DLEU7: variants seen among roughly 807,000 people sequenced by gnomAD.
DLEU7 encodes the protein deleted in lymphocytic leukemia 7.
DLEU7 carries 17 observed loss-of-function variants against 16.0 expected under a neutral mutation model. The observed-to-expected ratio is 1.06, with a 90% CI of 0.73 to 1.59. The LOEUF (loss-of-function observed/expected upper bound fraction) is 1.59, where lower values mean the gene tolerates loss of function less well. Among genes scored for constraint, DLEU7 ranks in the 40% most tolerant of loss-of-function variants. The pLI is 0.00. For synonymous variants in DLEU7, 113 were observed against 139.8 expected (o/e 0.81, Z 1.35); for missense variants, 308 against 314.9 (o/e 0.98, Z 0.17).
chr13:50,813,627 A>T (rs1451039372), intron 1 of DLEU7, among the ~76,000 whole-genome samples: 1 of 152,122 alleles, frequency 6.6e-6, no homozygotes, highest in Non-Finnish European at 1.5e-5. Flanking sequence ...AAGGAGACTG[A>T]GCTTCCGTAT....
intron 1 of DLEU7, among the ~76,000 whole-genome samples, chr13:50,723,487 G>A (rs745493269): frequency 2.0e-5 from 3 of 151,832 alleles, no homozygotes; most frequent in Admixed American, 6.6e-5. Context: ...TACCATAGGC[G>A]GGGTGGCTTA....
At chr13:50,772,506 A>G (rs1875349142) in intron 1 of DLEU7, among the ~76,000 whole-genome samples, 1 of 152,144 alleles carries the variant, frequency 6.6e-6, no homozygotes, top group Admixed American at 6.5e-5. Flanking sequence ...AAAGGATTTT[A>G]TTTCTCCTTC....
At chr13:50,821,851 A>G (rs951729995), downstream of DLEU7, among the ~76,000 whole-genome samples, 8 of 152,298 alleles carry the variant, frequency 5.3e-5, no homozygotes, top group African/African-American at 1.9e-4. Flanking sequence ...CCCTGGGGGA[A>G]GAAAGACCTC....
chr13:50,797,730 A>G (rs2137778874), intron 1 of DLEU7, among the ~76,000 whole-genome samples: 1 of 152,322 alleles, frequency 6.6e-6, no homozygotes, highest in South Asian at 2.1e-4. Context: ...TGTTTGCAAA[A>G]TGCGGAGTAC....
At chr13:50,713,568 T>C (rs952339581) in intron 1 of DLEU7, among the ~76,000 whole-genome samples, 18 of 152,356 alleles carry the variant, frequency 1.2e-4, no homozygotes, top group African/African-American at 4.3e-4. Flanking sequence ...AATAGAATTC[T>C]AGAAATAACC....
intron 1 of DLEU7, among the ~76,000 whole-genome samples, chr13:50,739,983 G>T (rs902538930): frequency 3.3e-5 from 5 of 151,934 alleles, no homozygotes; most frequent in African/African-American, 1.2e-4. Context: ...GAGAGAATGT[G>T]TAGAGAGTTG....
intron 1 of DLEU7, among the ~76,000 whole-genome samples, chr13:50,827,082 A>G (rs1250847704): frequency 6.6e-6 from 1 of 152,220 alleles, no homozygotes; most frequent in African/African-American, 2.4e-5. Context: ...ACTCAAACAC[A>G]TGGTATAAAT....
At chr13:50,755,795 G>A (rs1446621354) in intron 1 of DLEU7, among the ~76,000 whole-genome samples, 1 of 151,732 alleles carries the variant, frequency 6.6e-6, no homozygotes, top group Non-Finnish European at 1.5e-5. Context: ...ACTTTGTTTT[G>A]CCATATTACC....
chr13:50,778,969 C>T (rs568577343), intron 1 of DLEU7, among the ~76,000 whole-genome samples: 2 of 152,272 alleles, frequency 1.3e-5, no homozygotes, highest in South Asian at 4.1e-4. Flanking sequence ...TCTTGTTAGT[C>T]CCAATAGGCG....
intron 1 of DLEU7, among the ~76,000 whole-genome samples, chr13:50,727,088 C>T (rs578185667): frequency 2.5e-4 from 38 of 152,270 alleles, no homozygotes; most frequent in African/African-American, 8.7e-4. Flanking sequence ...GAGCCACCTC[C>T]TCTGAGCTAC....
intron 1 of DLEU7, among the ~76,000 whole-genome samples, chr13:50,775,561 G>A (rs1021754780): frequency 1.4e-4 from 22 of 151,960 alleles, no homozygotes; most frequent in Non-Finnish European, 2.5e-4. Context: ...ACTAGGAATC[G>A]GCCAATTATT....
intron 1 of DLEU7, among the ~76,000 whole-genome samples, chr13:50,837,924 A>G (rs1451285181): frequency 1.3e-5 from 2 of 152,156 alleles, no homozygotes; most frequent in Non-Finnish European, 2.9e-5. Context: ...AAGGATGCGA[A>G]CTCATGGGGC....
At chr13:50,713,095 A>G in exon 2 of DLEU7, 1 of 1,204,936 alleles carries the variant, frequency 8.3e-7, no homozygotes, top group Non-Finnish European at 1.2e-6. Context: ...AATGGAGGCC[A>G]ACAACGTGGT....
chr13:50,843,486 G>T lies in DLEU7; in HGVS notation c.161C>A (p.Ser54Ter). Residue 54 changes from serine to a stop codon, truncating the protein, a stop_gained, in exon 1 of 2, where the codon TCA becomes TAA. Coordinates refer to ENST00000504404, the MANE Select transcript of DLEU7 (RefSeq NM_001306135.2). LOFTEE classifies it high-confidence loss of function. This position sits in a 1 kb window ranked among gnomAD's most constrained non-coding sequence, Gnocchi z 5.7. ...CCCCGGCCGGGCCCGCGGCGGGCCT[G>T]AGCGACGGGCTGGAGCGGTGGACAC... ...DHVSTAPARR[S>*]GPPRARPGPG... The T allele has an allele frequency of 3.7e-6, 5 of 1,357,256 alleles. No individual in the cohort carries two copies. The highest frequency in any genetic ancestry group is 4.7e-6 in the Non-Finnish European group (5 of 1,063,156). The allele number at this position is 1,357,256 out of a possible 1,614,324, so 84.1% of individuals were successfully genotyped here.
intron 1 of DLEU7, among the ~76,000 whole-genome samples, chr13:50,790,461 A>G (rs1875922848): frequency 1.4e-5 from 2 of 140,482 alleles, no homozygotes; most frequent in Admixed American, 1.4e-4. Flanking sequence ...CCAAAGTAAC[A>G]CTCTCCGTTT....
rs183210391 is a variant in DLEU7 at position 50,761,219 on chromosome 13, G to A, written c.460-47979C>T. Among the ~76,000 whole-genome samples the A allele has an allele frequency of 1.1e-4, 17 of 152,300 alleles. No individual in the cohort carries two copies. In the East Asian group the frequency reaches 2.1e-3, roughly 19 times the overall value. On this transcript the variant is annotated intron_variant, in intron 1 of 1. Coordinates refer to the DLEU7 transcript ENST00000400393. ...AGGCATGAGAAGGATCCAAAGGGGC[G>A]TTGTAACTTGGGGAAGGAGGGCAGA...
Position 50,822,968 on chromosome 13 carries a change from T to C in DLEU7, c.*346A>G. On this transcript the variant is annotated 3_prime_UTR_variant, in exon 2 of 2. Coordinates refer to ENST00000504404, the MANE Select transcript of DLEU7 (RefSeq NM_001306135.2). Reference sequence around the variant, plus strand: ...CCACATTAAACCCTTTAGACCTACATTAATATGAATACAAATTAAGGTATC... The same window carrying C: ...CCACATTAAACCCTTTAGACCTACACTAATATGAATACAAATTAAGGTATC... 1.1e-6 allele frequency: 1 copy of C among 933,436 alleles called. No homozygotes were observed. The allele number at this position is 933,436 out of a possible 1,614,324, so 57.8% of individuals were successfully genotyped here.
At chr13:50,802,826 T>C (rs1466309647) in intron 1 of DLEU7, among the ~76,000 whole-genome samples, 2 of 152,224 alleles carry the variant, frequency 1.3e-5, no homozygotes, top group Non-Finnish European at 2.9e-5. Context: ...ATATCATACA[T>C]GTACATGTAC....
intron 1 of DLEU7, among the ~76,000 whole-genome samples, chr13:50,761,421 T>C (rs1409505050): frequency 8.6e-6 from 1 of 115,974 alleles, no homozygotes; most frequent in Non-Finnish European, 1.8e-5. Context: ...GCTAATGTCA[T>C]GTGCAAAAAA....
Sources: allele counts gnomAD v4.1 joint callset (sites outside exome capture counted in the v4.1 genomes callset), GRCh38; gene constraint gnomAD v4.1.1; non-coding constraint Gnocchi (gnomAD v3.1); transcripts MANE v1.5; gene names NCBI Gene and HGNC (gene_info 2026-07-23, HGNC 2026-07-21).